The following DLEU7 variants were observed in gnomAD, a reference collection of about 807,000 sequenced individuals.
DLEU7 encodes the protein leukemia-associated protein 7.
DLEU7 carries 17 observed loss-of-function variants against 16.0 expected under a neutral mutation model. The observed-to-expected ratio is 1.06, with a 90% CI of 0.73 to 1.59. The LOEUF is 1.59. Ranked by LOEUF, DLEU7 falls within the 40% of genes most tolerant of loss-of-function variation. DLEU7 has a pLI of 0.00. For missense variants in DLEU7, 308 were observed against 314.9 expected, an observed-to-expected ratio of 0.98 and a Z score of 0.17; for synonymous variants, 113 against 139.8, an observed-to-expected ratio of 0.81 and a Z score of 1.35.
At chr13:50,828,621 G>A (rs1352634841) in intron 1 of DLEU7, among the ~76,000 whole-genome samples, 4 of 152,258 alleles carry the variant, frequency 2.6e-5, no homozygotes, top group Non-Finnish European at 4.4e-5. Flanking sequence ...AAAATGGAAG[G>A]AAGAACTAAA....
chr13:50,804,538 G>T (rs1419031616), intron 1 of DLEU7, among the ~76,000 whole-genome samples: 2 of 151,636 alleles, frequency 1.3e-5, no homozygotes, highest in East Asian at 1.9e-4. Flanking sequence ...CTGCCTCCTG[G>T]GTTCAAGTGA....
At chr13:50,821,259 C>CTGG (rs1313533611), downstream of DLEU7, among the ~76,000 whole-genome samples, 3 of 150,608 alleles carry the variant, frequency 2.0e-5, no homozygotes, top group Non-Finnish European at 2.9e-5. Context: ...GGGAAGGGAA[C>CTGG]TGGTGGCATG....
chr13:50,788,505 T>C (rs1050789849), intron 1 of DLEU7, among the ~76,000 whole-genome samples: 2 of 152,190 alleles, frequency 1.3e-5, no homozygotes, highest in Non-Finnish European at 2.9e-5. Context: ...GAGGACACTC[T>C]AAATACTGAG....
intron 1 of DLEU7, among the ~76,000 whole-genome samples, chr13:50,742,115 C>A (rs1404432693): frequency 6.6e-6 from 1 of 151,982 alleles, no homozygotes; most frequent in African/African-American, 2.4e-5. Flanking sequence ...CTTAAAATTG[C>A]TTGTCCCAGA....
At chr13:50,838,440 G>A (rs1323507706) in intron 1 of DLEU7, among the ~76,000 whole-genome samples, 3 of 152,214 alleles carry the variant, frequency 2.0e-5, no homozygotes, top group East Asian at 1.9e-4. Flanking sequence ...GAGTAACTTC[G>A]TAATTGGCTT....
intron 1 of DLEU7, among the ~76,000 whole-genome samples, chr13:50,832,978 C>A (rs1462842075): frequency 6.6e-6 from 1 of 152,158 alleles, no homozygotes; most frequent in Admixed American, 6.5e-5. Flanking sequence ...GCACAAAAGT[C>A]CTTCGATAAA....
intron 1 of DLEU7, among the ~76,000 whole-genome samples, chr13:50,842,802 C>T (rs976540306): frequency 3.9e-5 from 6 of 152,210 alleles, no homozygotes; most frequent in African/African-American, 1.2e-4. Context: ...ATTTAAGGCT[C>T]TGGAGGAAGC....
intron 1 of DLEU7, among the ~76,000 whole-genome samples, chr13:50,838,448 C>T (rs901219633): frequency 5.3e-5 from 8 of 152,352 alleles, no homozygotes; most frequent in African/African-American, 1.9e-4. Flanking sequence ...TCGTAATTGG[C>T]TTGGCTAACG....
chr13:50,761,326 G>A (rs1874922304), intron 1 of DLEU7, among the ~76,000 whole-genome samples: 1 of 152,146 alleles, frequency 6.6e-6, no homozygotes, highest in Admixed American at 6.5e-5. Context: ...AGTTTGAGAA[G>A]GGGGACGAAT....
exon 2 of DLEU7, chr13:50,713,226 A>C: frequency 6.2e-7 from 1 of 1,611,312 alleles, no homozygotes; most frequent in Non-Finnish European, 8.5e-7. Flanking sequence ...TTCACTCATT[A>C]GCCAGGAGTT....
At chr13:50,729,893 CT>C (rs1873870362) in intron 1 of DLEU7, among the ~76,000 whole-genome samples, 1 of 151,744 alleles carries the variant, frequency 6.6e-6, no homozygotes, top group African/African-American at 2.4e-5. Flanking sequence ...TGTGTGTGTT[CT>C]ATAACTTTGG....
rs147852154 is a variant in DLEU7, at chr13:50,755,856, A to G, written c.460-42616T>C. ...ATTTAGGTAGGCTCCGTCAGAGGCA[A>G]GGTCTAGGGCTGAAGGCTGTTGTTC... On this transcript the variant is annotated intron_variant, in intron 1 of 1. Transcript: ENST00000400393. 3.5e-3 allele frequency among the ~76,000 whole-genome samples: 533 copies of G among 152,276 alleles called. 4 individuals are homozygous for G. Among genetic ancestry groups the G allele is most frequent in the African/African-American group, 0.011 (445 of 41,552 alleles).
intron 1 of DLEU7, among the ~76,000 whole-genome samples, chr13:50,815,823 G>A (rs1876716954): frequency 6.6e-6 from 1 of 152,048 alleles, no homozygotes; most frequent in Non-Finnish European, 1.5e-5. Context: ...AGTAATTCCA[G>A]CCCCATTAAC....
At chr13:50,836,046 G>A (rs74078463) in intron 1 of DLEU7, among the ~76,000 whole-genome samples, 16,696 of 152,214 alleles carry the variant, frequency 0.11, 1,344 homozygotes, top group African/African-American at 0.23. Context: ...CAAGGATTGT[G>A]CTTTTTTCTC....
At chr13:50,755,980 T>A (rs1218173662) in intron 1 of DLEU7, among the ~76,000 whole-genome samples, 1 of 152,116 alleles carries the variant, frequency 6.6e-6, no homozygotes, top group Admixed American at 6.5e-5. Context: ...GATTGTTATC[T>A]CTCTTCTGGG....
chr13:50,823,146 A>G lies in DLEU7; in HGVS notation c.*168T>C. On this transcript the variant is annotated 3_prime_UTR_variant, in exon 2 of 2. Coordinates refer to ENST00000504404, the MANE Select transcript of DLEU7 (RefSeq NM_001306135.2). ...TTTAAAAAAATTTCATTAACATGCTATAATCCCGAAGGCTACAGATGCCAC... is the reference window on the plus strand; with the variant it reads ...TTTAAAAAAATTTCATTAACATGCTGTAATCCCGAAGGCTACAGATGCCAC... 1.4e-6 allele frequency: 2 copies of G among 1,415,052 alleles called. No individual in the cohort carries two copies. The highest frequency in any genetic ancestry group is 1.8e-6 in the Non-Finnish European group (2 of 1,086,566). 87.7% of individuals were successfully genotyped at this position (1,415,052 alleles called of 1,614,324 possible).
intron 1 of DLEU7, among the ~76,000 whole-genome samples, chr13:50,759,130 G>A (rs1427247020): frequency 1.3e-5 from 2 of 152,180 alleles, no homozygotes; most frequent in Non-Finnish European, 2.9e-5. Context: ...CCCTTAGACA[G>A]GGGTTGATTT....
At chr13:50,753,368 G>T (rs1031075644) in intron 1 of DLEU7, among the ~76,000 whole-genome samples, 1 of 152,226 alleles carries the variant, frequency 6.6e-6, no homozygotes, top group Non-Finnish European at 1.5e-5. Flanking sequence ...GGCGGCGCTC[G>T]TTGGGGAGGC....
chr13:50,779,983 T>C (rs1875607392), intron 1 of DLEU7, among the ~76,000 whole-genome samples: 1 of 152,138 alleles, frequency 6.6e-6, no homozygotes, highest in African/African-American at 2.4e-5. Context: ...TTAACAGATG[T>C]GTTAACAGCT....
Sources: gnomAD v4.1 joint callset for allele counts (sites outside exome capture counted in the v4.1 genomes callset) on GRCh38, gnomAD v4.1.1 for gene constraint, MANE v1.5 for transcripts, NCBI Gene and HGNC (gene_info 2026-07-23, HGNC 2026-07-21) for gene names.